PLCL2: variants seen among roughly 807,000 people sequenced by gnomAD.
PLCL2 encodes the protein inactive phospholipase C-like protein 2.
In PLCL2, 4 loss-of-function variants were observed where a neutral mutation model predicts 79.6. The observed-to-expected ratio is 0.05, with a 90% CI of 0.02 to 0.11. PLCL2 has a LOEUF of 0.11. PLCL2 is among the 10% of genes least tolerant of loss of function. The pLI, the probability that PLCL2 is intolerant of heterozygous loss-of-function variation, is 1.00. For synonymous variants in PLCL2, 484 were observed against 457.7 expected, an observed-to-expected ratio of 1.06 and a Z score of -0.73; for missense variants, 895 against 1,291.0, an observed-to-expected ratio of 0.69 and a Z score of 4.70.
chr3:16,956,424 G>A (rs905482798), intron 1 of PLCL2, among the ~76,000 whole-genome samples: 105 of 151,978 alleles, frequency 6.9e-4, no homozygotes, highest in African/African-American at 2.3e-3. Context: ...TGCTGGATTC[G>A]GTTTGCCAGT....
At chr3:17,014,192 G>C (rs1176917759) in intron 2 of PLCL2, among the ~76,000 whole-genome samples, 2 of 152,282 alleles carry the variant, frequency 1.3e-5, no homozygotes, top group East Asian at 3.9e-4. Flanking sequence ...AGACTCAACA[G>C]AGAACAGTAG....
intron 1 of PLCL2, among the ~76,000 whole-genome samples, chr3:16,901,009 T>C (rs1184985895): frequency 1.3e-5 from 2 of 152,234 alleles, no homozygotes; most frequent in African/African-American, 4.8e-5. Context: ...GAGTTGTTTT[T>C]CTTCTGTGAA....
At chr3:16,947,448 C>A (rs1437153340) in intron 1 of PLCL2, among the ~76,000 whole-genome samples, 1 of 152,152 alleles carries the variant, frequency 6.6e-6, no homozygotes, top group East Asian at 1.9e-4. Flanking sequence ...AATAATGATT[C>A]CTACTGCGAC....
intron 1 of PLCL2, among the ~76,000 whole-genome samples, chr3:16,926,897 A>G (rs913579435): frequency 1.3e-5 from 2 of 152,098 alleles, no homozygotes; most frequent in African/African-American, 4.8e-5. Context: ...CCAAAGTGCT[A>G]GGATTACAGA....
At chr3:16,953,876 A>C (rs191798427) in intron 1 of PLCL2, among the ~76,000 whole-genome samples, 168 of 152,284 alleles carry the variant, frequency 1.1e-3, no homozygotes, top group African/African-American at 3.8e-3. Flanking sequence ...CCCAAGTATC[A>C]TATAAAGTTG....
intron 1 of PLCL2, among the ~76,000 whole-genome samples, chr3:16,930,830 A>G (rs1340934222): frequency 3.3e-5 from 5 of 152,202 alleles, no homozygotes; most frequent in African/African-American, 7.2e-5. Flanking sequence ...ATGAGTTCCT[A>G]TGTCCATTAA....
chr3:17,028,855 A>C (rs1209697452), intron 3 of PLCL2, among the ~76,000 whole-genome samples: 2 of 152,160 alleles, frequency 1.3e-5, no homozygotes, highest in South Asian at 4.1e-4. Flanking sequence ...CAGCACCGAC[A>C]GCAGAACCTG....
intron 1 of PLCL2, among the ~76,000 whole-genome samples, chr3:16,924,587 G>C (rs1697201261): frequency 1.3e-5 from 2 of 152,176 alleles, no homozygotes; most frequent in African/African-American, 2.4e-5. Context: ...GGGTATCTCA[G>C]GTCTTTCCTG....
At chr3:16,981,282 G>T (rs1271522538) in intron 1 of PLCL2, among the ~76,000 whole-genome samples, 1 of 152,148 alleles carries the variant, frequency 6.6e-6, no homozygotes, top group African/African-American at 2.4e-5. Context: ...TTTTCCCCCA[G>T]GTTACTTTCC....
chr3:17,083,442 G>A (rs970965379), intron 5 of PLCL2, among the ~76,000 whole-genome samples: 1 of 152,148 alleles, frequency 6.6e-6, no homozygotes, highest in Non-Finnish European at 1.5e-5. Flanking sequence ...AGGGTGGGTA[G>A]GTGAGTGAAG....
chr3:17,032,808 A>C (rs1045279147), intron 3 of PLCL2, among the ~76,000 whole-genome samples: 1 of 152,208 alleles, frequency 6.6e-6, no homozygotes, highest in Non-Finnish European at 1.5e-5. Flanking sequence ...GGAGACACCC[A>C]TATTACACTT....
At chr3:16,946,834 T>C (rs2063604523) in intron 1 of PLCL2, among the ~76,000 whole-genome samples, 2 of 151,912 alleles carry the variant, frequency 1.3e-5, no homozygotes, top group African/African-American at 4.8e-5. Flanking sequence ...TCTTATAATA[T>C]TTTAAAATTA....
At chr3:16,959,933 G>A (rs776267279) in intron 1 of PLCL2, among the ~76,000 whole-genome samples, 10 of 152,034 alleles carry the variant, frequency 6.6e-5, no homozygotes, top group Non-Finnish European at 1.2e-4. Flanking sequence ...GTGAAACCCC[G>A]TCTCTGCTAA....
rs531398274 is a variant in PLCL2, at chr3:16,888,980, A to G, written c.327+3614A>G. Reference sequence around the variant, plus strand: ...CATCATGAAGATATAGGGCACTAACATCACCTCAAAAAACTCCCAGGTCTC... The same window carrying G: ...CATCATGAAGATATAGGGCACTAACGTCACCTCAAAAAACTCCCAGGTCTC... On this transcript the variant is annotated intron_variant, in intron 1 of 5. Transcript: ENST00000615277. Among the ~76,000 whole-genome samples the G allele has an allele frequency of 8.5e-5, 13 of 152,328 alleles. No homozygotes were observed. The South Asian group carries it at 1.0e-3, about 12-fold the overall frequency.
intron 3 of PLCL2, among the ~76,000 whole-genome samples, chr3:17,030,019 A>G (rs1292777182): frequency 1.3e-5 from 2 of 152,258 alleles, no homozygotes; most frequent in Admixed American, 6.5e-5. Flanking sequence ...ACTGCACCCT[A>G]GGAAGCAGAT....
chr3:16,982,354 G>A (rs1389186379), intron 1 of PLCL2, among the ~76,000 whole-genome samples: 2 of 152,196 alleles, frequency 1.3e-5, no homozygotes, highest in East Asian at 3.8e-4. Flanking sequence ...GAGCTTCTGA[G>A]CCACAGTGTT....
rs762379829 is a variant in PLCL2, at chr3:17,009,745, C to A, written c.399C>A (p.Ile133=). 4.6e-5 allele frequency: 74 copies of A among 1,612,600 alleles called. No individual in the cohort carries two copies. The highest frequency in any genetic ancestry group is 6.2e-5 in the Non-Finnish European group (73 of 1,178,842). ...SFSSMPTEKK[I]SSASDCINSM... is the part of the protein sequence containing the mutation. ...GCAGCATGCCAACAGAGAAGAAGAT[C>A]AGCAGTGCAAGTGATTGTATTAATT... The change falls in exon 2 of 6, where the codon ATC becomes ATA. Residue 133 remains isoleucine (I), a synonymous_variant. Transcript: ENST00000615277. The surrounding 1 kb of genome is among the most constrained non-coding windows in gnomAD (Gnocchi z 4.0).
At chr3:16,963,786 A>AT (rs796568373) in intron 1 of PLCL2, among the ~76,000 whole-genome samples, 324 of 146,204 alleles carry the variant, frequency 2.2e-3, no homozygotes, top group African/African-American at 3.4e-3. Flanking sequence ...AGGTTAAGCA[A>AT]TTTTTTTTTT....
intron 4 of PLCL2, among the ~76,000 whole-genome samples, chr3:17,062,396 TG>T (rs2064961592): frequency 1.3e-5 from 2 of 152,248 alleles, no homozygotes; most frequent in South Asian, 4.1e-4. Flanking sequence ...TACTTAGTTT[TG>T]GTTTTCAAAT....
Sources: allele counts gnomAD v4.1 joint callset (sites outside exome capture counted in the v4.1 genomes callset), GRCh38; gene constraint gnomAD v4.1.1; non-coding constraint Gnocchi (gnomAD v3.1); transcripts MANE v1.5; gene names NCBI Gene and HGNC (gene_info 2026-07-23, HGNC 2026-07-21).